Variants in AKAP6 observed in about 807,000 individuals in gnomAD.
AKAP6 encodes A-kinase anchor protein 6.
A neutral mutation model predicts 188.5 loss-of-function variants in AKAP6; 58 were observed. The observed-to-expected ratio is 0.31, with a 90% CI of 0.25 to 0.38. The LOEUF (loss-of-function observed/expected upper bound fraction) is 0.38, where lower values mean the gene tolerates loss of function less well. AKAP6 is among the 10% of genes least tolerant of loss of function. The probability of loss-of-function intolerance (pLI) is 1.00; values close to 1 mark genes in which losing one functional copy is unlikely to be tolerated. For missense variants in AKAP6, 2,710 were observed against 2,740.0 expected (o/e 0.99, Z 0.24); for synonymous variants, 989 against 998.6 (o/e 0.99, Z 0.18).
rs370805487 is a variant in AKAP6 at position 32,773,902 on chromosome 14, T to C, written c.3588+9T>C. The C allele has an allele frequency of 6.2e-7, 1 of 1,612,216 alleles. No individual in the cohort carries two copies. Among genetic ancestry groups the C allele is most frequent in the Non-Finnish European group, 8.5e-7 (1 of 1,178,552 alleles). On this transcript the variant is annotated intron_variant, in intron 12 of 13. Coordinates refer to ENST00000280979, the MANE Select transcript of AKAP6 (RefSeq NM_004274.5). ...AGATGGGAAAGGAATCTGTGAGTGA[T>C]GCTTTTTTTAAGCATAATTGTCTGT...
intron 1 of AKAP6, among the ~76,000 whole-genome samples, chr14:32,422,383 T>A (rs1889878126): frequency 1.3e-5 from 2 of 152,120 alleles, no homozygotes; most frequent in African/African-American, 4.8e-5. Flanking sequence ...TTACTTATCA[T>A]TACAGTTTTA....
At chr14:32,582,993 A>G (rs1209639020) in intron 5 of AKAP6, among the ~76,000 whole-genome samples, 1 of 152,166 alleles carries the variant, frequency 6.6e-6, no homozygotes, top group East Asian at 1.9e-4. Context: ...TCAACTTGTG[A>G]AAGTCATTCT....
chr14:32,651,977 T>C (rs1331062251), intron 7 of AKAP6, among the ~76,000 whole-genome samples: 1 of 152,114 alleles, frequency 6.6e-6, no homozygotes, highest in African/African-American at 2.4e-5. Context: ...TTCTTCCTTA[T>C]ATAGTATGCA....
chr14:32,770,113 A>T (rs1164791952), intron 11 of AKAP6, among the ~76,000 whole-genome samples: 1 of 152,236 alleles, frequency 6.6e-6, no homozygotes, highest in Non-Finnish European at 1.5e-5. Context: ...TAAAACCCAG[A>T]TAAACCAAAA....
intron 12 of AKAP6, among the ~76,000 whole-genome samples, chr14:32,774,830 AGT>A (rs1464953987): frequency 1.3e-5 from 2 of 152,190 alleles, no homozygotes; most frequent in Non-Finnish European, 2.9e-5. Flanking sequence ...AACTTTGGAA[AGT>A]TCAGGATCCA....
chr14:32,796,327 C>T (rs188298113), intron 12 of AKAP6, among the ~76,000 whole-genome samples: 2 of 152,216 alleles, frequency 1.3e-5, no homozygotes, highest in African/African-American at 4.8e-5. Context: ...CAAGACAATC[C>T]TAAGCAAAGG....
rs1406480125 is a variant in AKAP6, at chr14:32,540,192, A to ATATTTT, written c.576+4388_576+4389insATTTTT. ...TCTATATATATATATATATATATAT[A>ATATTTT]TTTTAATTTTTTATTTTTTTTTTTG... is the stretch of plus-strand genomic sequence containing the variant. On this transcript the variant is annotated intron_variant, in intron 3 of 13. Coordinates refer to ENST00000280979, the MANE Select transcript of AKAP6 (RefSeq NM_004274.5). Among the ~76,000 whole-genome samples, 306 of 123,358 alleles carry ATATTTT rather than the reference A, an allele frequency of 2.5e-3. 5 individuals carry two copies. Among genetic ancestry groups the ATATTTT allele is most frequent in the Middle Eastern group, 4.8e-3 (1 of 208 alleles). 80.9% of individuals were successfully genotyped at this position (123,358 alleles called of 152,430 possible).
intron 7 of AKAP6, among the ~76,000 whole-genome samples, chr14:32,601,790 T>C (rs1432842702): frequency 2.0e-5 from 3 of 152,220 alleles, no homozygotes; most frequent in Non-Finnish European, 4.4e-5. Context: ...ACAAATACTT[T>C]GCCCTCTTAG....
intron 4 of AKAP6, among the ~76,000 whole-genome samples, chr14:32,553,388 G>C (rs762985719): frequency 1.1e-4 from 16 of 152,124 alleles, no homozygotes; most frequent in Admixed American, 2.6e-4. Flanking sequence ...TGGCCAGACT[G>C]GTCTCGAACT....
intron 1 of AKAP6, among the ~76,000 whole-genome samples, chr14:32,385,863 TC>T (rs900718493): frequency 8.7e-5 from 13 of 149,544 alleles, no homozygotes; most frequent in Non-Finnish European, 1.6e-4. Flanking sequence ...ATGATATATA[TC>T]TTACACATAT....
At chr14:32,827,769 C>G (rs1208193987) in intron 13 of AKAP6, among the ~76,000 whole-genome samples, 2 of 152,160 alleles carry the variant, frequency 1.3e-5, no homozygotes, top group South Asian at 2.1e-4. Context: ...TTGCGCTAAT[C>G]TTTTTGCTGT....
At chr14:32,593,011 A>ACAC (rs1555343002) in intron 5 of AKAP6, among the ~76,000 whole-genome samples, 5 of 123,800 alleles carry the variant, frequency 4.0e-5, no homozygotes, top group South Asian at 2.9e-4. Context: ...CCCCCACCCC[A>ACAC]ACACACACAC....
intron 7 of AKAP6, among the ~76,000 whole-genome samples, chr14:32,636,293 T>A: frequency 6.6e-6 from 1 of 152,230 alleles, no homozygotes; most frequent in East Asian, 1.9e-4. Flanking sequence ...GGTGCTGTCT[T>A]CATTAGGAAT....
At chr14:32,750,731 A>AT (rs765897477) in intron 11 of AKAP6, among the ~76,000 whole-genome samples, 4 of 93,572 alleles carry the variant, frequency 4.3e-5, no homozygotes, top group Non-Finnish European at 5.2e-5. Flanking sequence ...TCACTAAATT[A>AT]ATTTTGTTTT....
intron 7 of AKAP6, among the ~76,000 whole-genome samples, chr14:32,646,560 A>T (rs1480897040): frequency 6.6e-6 from 1 of 152,204 alleles, no homozygotes; most frequent in African/African-American, 2.4e-5. Flanking sequence ...CTGAACTAGC[A>T]ACAGTAAAGA....
intron 7 of AKAP6, chr14:32,616,869 T>C (rs1886603235): frequency 6.6e-6 from 1 of 152,248 alleles, no homozygotes; most frequent in Non-Finnish European, 1.5e-5. Context: ...TTTTGAGTTT[T>C]ATAAACTCAG....
chr14:32,752,913 G>C (rs1156661322), intron 11 of AKAP6, among the ~76,000 whole-genome samples: 1 of 152,144 alleles, frequency 6.6e-6, no homozygotes, highest in African/African-American at 2.4e-5. Context: ...GTGTAAGTGT[G>C]TGTATGTGTA....
intron 8 of AKAP6, among the ~76,000 whole-genome samples, chr14:32,683,558 C>T (rs186388911): frequency 1.3e-5 from 2 of 152,280 alleles, no homozygotes; most frequent in African/African-American, 2.4e-5. Flanking sequence ...ATTTATTTAG[C>T]ACCTATTAAG....
chr14:32,371,904 A>G (rs1008504935), intron 1 of AKAP6, among the ~76,000 whole-genome samples: 17 of 152,110 alleles, frequency 1.1e-4, no homozygotes, highest in Non-Finnish European at 2.1e-4. Context: ...AGATATGCAG[A>G]TTAGTACTCT....
Sources: allele counts gnomAD v4.1 joint callset (sites outside exome capture counted in the v4.1 genomes callset), GRCh38; gene constraint gnomAD v4.1.1; transcripts MANE v1.5; gene names NCBI Gene and HGNC (gene_info 2026-07-23, HGNC 2026-07-21).